The following COL6A5 variants were observed in gnomAD, a reference collection of about 807,000 sequenced individuals.
COL6A5 encodes the protein collagen type VI alpha 5 chain, also known as collagen alpha-5(VI) chain.
In COL6A5, 48 loss-of-function variants were observed where a neutral mutation model predicts 65.6. The observed-to-expected ratio is 0.73, with a 90% CI of 0.58 to 0.93. The LOEUF is 0.93. COL6A5 is among the 40% of genes least tolerant of loss of function. COL6A5 has a pLI of 0.00. For missense variants in COL6A5, 914 were observed against 928.3 expected (o/e 0.98, Z 0.20); for synonymous variants, 291 against 322.8 (o/e 0.90, Z 1.05).
At chr3:130,382,172 TAGAG>T (rs1490047211) in intron 4 of COL6A5, among the ~76,000 whole-genome samples, 1 of 152,052 alleles carries the variant, frequency 6.6e-6, no homozygotes, top group African/African-American at 2.4e-5. Context: ...GGTGTCATTA[TAGAG>T]ATAGTGTATA....
At chr3:130,379,532 T>C (rs1935913205) in exon 4 of COL6A5, 1 of 1,551,248 alleles carries the variant, frequency 6.4e-7, no homozygotes, top group Non-Finnish European at 8.7e-7. Context: ...CTTGAGAACA[T>C]TACCAGCTCC....
chr3:130,422,654 GT>G (rs946682032), intron 27 of COL6A5, 65 bp from the exon 28 acceptor site: 1,364 of 930,220 alleles, frequency 1.5e-3, no homozygotes, highest in Non-Finnish European at 1.7e-3. Context: ...AGTCCAGAGA[GT>G]TTTTTTTTTA....
chr3:130,469,134 C>T, exon 6 of COL6A5: 1 of 1,613,124 alleles, frequency 6.2e-7, no homozygotes, highest in Non-Finnish European at 8.5e-7. Context: ...CTCCAAGACT[C>T]TCAACAGCTC....
upstream of COL6A5, among the ~76,000 whole-genome samples, chr3:130,429,185 A>G (rs576162169): frequency 2.6e-5 from 4 of 152,300 alleles, no homozygotes; most frequent in African/African-American, 9.6e-5. Context: ...AAGACCCCGT[A>G]TTTTAGCCTT....
upstream of COL6A5, chr3:130,429,488 C>T: frequency 8.2e-7 from 1 of 1,223,112 alleles, no homozygotes; most frequent in Non-Finnish European, 1.1e-6. Context: ...ATAACATTTT[C>T]AGCTTTGTTA....
At chr3:130,462,305 C>G (rs1210650321) in intron 5 of COL6A5, among the ~76,000 whole-genome samples, 1 of 152,060 alleles carries the variant, frequency 6.6e-6, no homozygotes, top group East Asian at 1.9e-4. Flanking sequence ...TGATTGCCTA[C>G]TCCTTGAAGT....
rs184941863 is a variant in COL6A5, at chr3:130,399,947, G to A, written c.3992-1084G>A. ...TTTTTTTGTATTTTTAGTAGAAATG[G>A]GGTTTTTCCATGTTGTTGACCAGTT... On this transcript the variant is annotated intron_variant and NMD_transcript_variant, in intron 10 of 41. Transcript: ENST00000312481. 4.0e-5 allele frequency among the ~76,000 whole-genome samples: 6 copies of A among 151,412 alleles called. No homozygotes were observed. In the East Asian group the frequency reaches 1.2e-3, roughly 30 times the overall value.
chr3:130,413,854 A>G (rs371471854), intron 21 of COL6A5, among the ~76,000 whole-genome samples: 3 of 151,726 alleles, frequency 2.0e-5, no homozygotes, highest in South Asian at 4.2e-4. Flanking sequence ...TGCTTTGGGA[A>G]TCAACTTCAA....
chr3:130,370,846 C>T (rs566618792), intron 1 of COL6A5, among the ~76,000 whole-genome samples: 1 of 152,216 alleles, frequency 6.6e-6, no homozygotes, highest in African/African-American at 2.4e-5. Context: ...TATTTTGGAG[C>T]CAAGACATGC....
At chr3:130,419,029 T>A in intron 25 of COL6A5, 98 bp downstream of exon 25, 1 of 875,334 alleles carries the variant, frequency 1.1e-6, no homozygotes. Flanking sequence ...ATGGGGGGCA[T>A]GAAAGGTATT....
chr3:130,435,746 T>C (rs555351399), intron 1 of COL6A5, among the ~76,000 whole-genome samples: 1 of 152,082 alleles, frequency 6.6e-6, no homozygotes, highest in Non-Finnish European at 1.5e-5. Flanking sequence ...TGCCTATTGT[T>C]GGTGTAAAGG....
intron 8 of COL6A5, among the ~76,000 whole-genome samples, chr3:130,397,023 T>C (rs1420200958): frequency 1.3e-5 from 2 of 151,954 alleles, no homozygotes; most frequent in African/African-American, 2.4e-5. Flanking sequence ...CCACCACACC[T>C]GGCTAATTTT....
chr3:130,417,312 A>G (rs1446782304), intron 24 of COL6A5, among the ~76,000 whole-genome samples: 3 of 152,130 alleles, frequency 2.0e-5, no homozygotes, highest in African/African-American at 7.2e-5. Context: ...TCAAATACCA[A>G]AGTACCTCCA....
chr3:130,469,152 A>G, exon 6 of COL6A5: 1 of 1,613,056 alleles, frequency 6.2e-7, no homozygotes, highest in Non-Finnish European at 8.5e-7. Flanking sequence ...CTCAATGGAG[A>G]TGTTTTTATT....
chr3:130,365,180 C>T (rs961027884), intron 1 of COL6A5, among the ~76,000 whole-genome samples: 1 of 152,208 alleles, frequency 6.6e-6, no homozygotes, highest in Non-Finnish European at 1.5e-5. Context: ...AAGATTTAAG[C>T]AACTACATGG....
exon 26 of COL6A5, chr3:130,421,161 T>C (rs1388985771): frequency 1.3e-6 from 2 of 1,550,680 alleles, no homozygotes; most frequent in Non-Finnish European, 1.7e-6. Flanking sequence ...AGGGAGATTC[T>C]GGCATCCCAG....
At chr3:130,372,472 A>G (rs1439202556) in intron 1 of COL6A5, among the ~76,000 whole-genome samples, 6 of 152,076 alleles carry the variant, frequency 3.9e-5, no homozygotes. Flanking sequence ...TATCCATACA[A>G]TGGAATATTA....
At chr3:130,468,076 G>A (rs1709859240) in intron 5 of COL6A5, among the ~76,000 whole-genome samples, 1 of 151,932 alleles carries the variant, frequency 6.6e-6, no homozygotes, top group Non-Finnish European at 1.5e-5. Context: ...GTAAATCAAG[G>A]CAATGTTTTC....
intron 7 of COL6A5, among the ~76,000 whole-genome samples, chr3:130,392,673 T>A (rs1486795213): frequency 6.6e-6 from 1 of 152,140 alleles, no homozygotes; most frequent in Non-Finnish European, 1.5e-5. Flanking sequence ...CTAATATAAA[T>A]CATGTTTCTA....
Sources: allele counts gnomAD v4.1 joint callset (sites outside exome capture counted in the v4.1 genomes callset), GRCh38; gene constraint gnomAD v4.1.1; transcripts MANE v1.5; gene names NCBI Gene and HGNC (gene_info 2026-07-23, HGNC 2026-07-21).